CREB5: variants seen among roughly 807,000 people sequenced by gnomAD.
CREB5 encodes cAMP responsive element binding protein 5.
In CREB5, 19 loss-of-function variants were observed where a neutral mutation model predicts 57.1. The ratio of observed to expected loss-of-function variants is 0.33; its 90% CI spans 0.23 to 0.49. The LOEUF is 0.49. Ranked by LOEUF, CREB5 falls within the 20% of genes least tolerant of loss-of-function variation. The pLI, the probability that CREB5 is intolerant of heterozygous loss-of-function variation, is 0.99. For missense variants in CREB5, 579 were observed against 671.6 expected, an observed-to-expected ratio of 0.86 and a Z score of 1.52; for synonymous variants, 238 against 238.3, an observed-to-expected ratio of 1.00 and a Z score of 0.01.
In CREB5 at chr7:28,804,369, A is replaced by ACACCAG; in HGVS notation, c.884_889dup (p.Gln295_His296dup). ...CACTGCCACCCCATCACCCTTACCC[A>ACACCAG]CACCAGCACCAGCACCCAGCACACC... On this transcript the variant is annotated inframe_insertion, in exon 8 of 11. Transcript: ENST00000357727. The ACACCAG allele has an allele frequency of 1.2e-6, 2 of 1,613,340 alleles. No homozygotes were observed. The highest frequency in any genetic ancestry group is 1.7e-6 in the Non-Finnish European group (2 of 1,179,698).
chr7:28,689,102 C>A (rs1801105932), intron 5 of CREB5, among the ~76,000 whole-genome samples: 1 of 152,108 alleles, frequency 6.6e-6, no homozygotes, highest in South Asian at 2.1e-4. Flanking sequence ...TGTTCTGTTT[C>A]ATGGTTTTTG....
At chr7:28,301,501 G>A (rs1270869724) in intron 1 of CREB5, among the ~76,000 whole-genome samples, 2 of 152,226 alleles carry the variant, frequency 1.3e-5, no homozygotes, top group Non-Finnish European at 2.9e-5. Context: ...CTGAGGTGCT[G>A]ATGTTGTAAG....
chr7:28,733,858 T>C (rs1478551732), intron 7 of CREB5, among the ~76,000 whole-genome samples: 4 of 152,220 alleles, frequency 2.6e-5, no homozygotes, highest in African/African-American at 9.6e-5. Context: ...TGATTTAATA[T>C]GTCATCCCAC....
At position 28,393,223 on chromosome 7, in the gene CREB5, C is replaced by T. The variant is rs547298517; in HGVS notation, c.-25+93782C>T. On this transcript the variant is annotated intron_variant, in intron 1 of 9. Transcript: ENST00000396299. ...ATTTATAGGCGTGAGCCACCATATC[C>T]AGCCATAGCAATGTTTTTAAGTCAA... Among the ~76,000 whole-genome samples the T allele has an allele frequency of 2.6e-5, 4 of 152,334 alleles. No homozygotes were observed. In the South Asian group the frequency reaches 6.2e-4, roughly 24 times the overall value.
chr7:28,390,883 G>A (rs1332210943), intron 1 of CREB5, among the ~76,000 whole-genome samples: 5 of 152,056 alleles, frequency 3.3e-5, no homozygotes, highest in African/African-American at 9.7e-5. Context: ...TTTATGATTC[G>A]AACTCAAACT....
intron 1 of CREB5, among the ~76,000 whole-genome samples, chr7:28,449,804 G>A (rs1386312899): frequency 1.3e-5 from 2 of 152,132 alleles, no homozygotes; most frequent in Non-Finnish European, 2.9e-5. Flanking sequence ...AACTTCATTG[G>A]TTGCTTAAAA....
chr7:28,643,331 C>T (rs748833673), intron 5 of CREB5, among the ~76,000 whole-genome samples: 104 of 152,104 alleles, frequency 6.8e-4, no homozygotes, highest in Non-Finnish European at 1.8e-4. Flanking sequence ...CCAAGGTCAC[C>T]GACAGGGTGA....
At chr7:28,611,076 TC>T (rs2128677085) in intron 5 of CREB5, among the ~76,000 whole-genome samples, 1 of 152,154 alleles carries the variant, frequency 6.6e-6, no homozygotes, top group East Asian at 1.9e-4. Flanking sequence ...AAATATGTCT[TC>T]CTCTTAAACT....
At chr7:28,350,741 A>G (rs890486044) in intron 1 of CREB5, among the ~76,000 whole-genome samples, 2 of 152,066 alleles carry the variant, frequency 1.3e-5, no homozygotes, top group Non-Finnish European at 2.9e-5. Flanking sequence ...AAGGGTAGGC[A>G]AGGAGAAGAG....
At chr7:28,657,717 GAAAAAA>G (rs59307921) in intron 5 of CREB5, among the ~76,000 whole-genome samples, 2 of 54,028 alleles carry the variant, frequency 3.7e-5, no homozygotes, top group African/African-American at 1.4e-4. Context: ...ACTCTCTCTC[GAAAAAA>G]AAAAAAAAAA....
chr7:28,366,156 A>AT (rs747375531), intron 1 of CREB5, among the ~76,000 whole-genome samples: 3 of 152,248 alleles, frequency 2.0e-5, no homozygotes, highest in Admixed American at 6.5e-5. Context: ...TTCCCAATAT[A>AT]TTTTATCACT....
At chr7:28,324,799 C>G (rs750175103) in intron 1 of CREB5, among the ~76,000 whole-genome samples, 3 of 152,198 alleles carry the variant, frequency 2.0e-5, no homozygotes, top group Non-Finnish European at 4.4e-5. Context: ...GCTCAAATTA[C>G]CATGGTCAAA....
intron 5 of CREB5, among the ~76,000 whole-genome samples, chr7:28,685,304 C>T (rs1289559333): frequency 6.6e-6 from 1 of 152,130 alleles, no homozygotes; most frequent in Non-Finnish European, 1.5e-5. Flanking sequence ...TAGCACCTGA[C>T]AGGGTGACCC....
intron 4 of CREB5, among the ~76,000 whole-genome samples, chr7:28,568,813 G>A (rs1380364987): frequency 3.3e-5 from 5 of 152,198 alleles, no homozygotes; most frequent in Non-Finnish European, 7.3e-5. Context: ...GATGGACACA[G>A]CCACCCCAAA....
intron 5 of CREB5, among the ~76,000 whole-genome samples, chr7:28,576,132 C>T (rs1562807189): frequency 6.6e-6 from 1 of 152,188 alleles, no homozygotes; most frequent in Non-Finnish European, 1.5e-5. Flanking sequence ...TTAGTGTCAT[C>T]TCAGCTTCCC....
chr7:28,757,699 T>C (rs1186927767), intron 7 of CREB5, among the ~76,000 whole-genome samples: 6 of 151,050 alleles, frequency 4.0e-5, no homozygotes, highest in African/African-American at 1.5e-4. Flanking sequence ...AGTAATAGTA[T>C]GAATTGTGGT....
chr7:28,422,088 T>A (rs1415376713), intron 1 of CREB5, among the ~76,000 whole-genome samples: 1 of 151,872 alleles, frequency 6.6e-6, no homozygotes, highest in Non-Finnish European at 1.5e-5. Flanking sequence ...TGGAGACAGA[T>A]CACAGGGGGA....
chr7:28,602,663 A>T (rs1796966708), intron 5 of CREB5, among the ~76,000 whole-genome samples: 1 of 152,212 alleles, frequency 6.6e-6, no homozygotes, highest in Non-Finnish European at 1.5e-5. Context: ...AAATGACAAG[A>T]TTATAGAGAT....
intron 6 of CREB5, among the ~76,000 whole-genome samples, chr7:28,722,407 C>T (rs1803084465): frequency 6.6e-6 from 1 of 152,178 alleles, no homozygotes; most frequent in Admixed American, 6.5e-5. Flanking sequence ...TTCCAGCTCT[C>T]CCATCCACCA....
Sources: allele counts gnomAD v4.1 joint callset (sites outside exome capture counted in the v4.1 genomes callset), GRCh38; gene constraint gnomAD v4.1.1; transcripts MANE v1.5; gene names NCBI Gene and HGNC (gene_info 2026-07-23, HGNC 2026-07-21).